The following MARK4 variants were observed in gnomAD, a reference collection of about 807,000 sequenced individuals.
MARK4 encodes microtubule affinity regulating kinase 4.
A neutral mutation model predicts 81.5 loss-of-function variants in MARK4; 19 were observed. The ratio of observed to expected loss-of-function variants is 0.23; its 90% CI spans 0.16 to 0.34. The LOEUF (loss-of-function observed/expected upper bound fraction) is 0.34, where lower values mean the gene tolerates loss of function less well. Ranked by LOEUF, MARK4 falls within the 10% of genes least tolerant of loss-of-function variation. MARK4 has a pLI of 1.00. For synonymous variants in MARK4, 436 were observed against 439.0 expected (o/e 0.99, Z 0.08); for missense variants, 772 against 1,058.8 (o/e 0.73, Z 3.76).
chr19:45,258,382 C>G (rs1970336700), intron 1 of MARK4, among the ~76,000 whole-genome samples: 1 of 152,086 alleles, frequency 6.6e-6, no homozygotes, highest in African/African-American at 2.4e-5. Context: ...TGGAACCAAA[C>G]TTGCGATATC....
rs139307383 is a variant in MARK4 at position 45,271,510 on chromosome 19, G to A, written c.588G>A (p.Lys196=). The change falls in exon 8 of 17, where the codon AAG becomes AAA. Residue 196 remains lysine (K), a synonymous_variant. Coordinates refer to ENST00000262891, the MANE Select transcript of MARK4 (RefSeq NM_001199867.2). This position sits in a 1 kb window ranked among gnomAD's most constrained non-coding sequence, Gnocchi z 4.1. ...TGCTGGATGCCGAGGCCAACATCAA[G>A]ATTGCTGACTTTGGCTTCAGCAACG... ...NLLLDAEANI[K]IADFGFSNEF... is the part of the protein sequence containing the mutation. The A allele has an allele frequency of 4.3e-6, 7 of 1,614,124 alleles. No individual in the cohort carries two copies. In the African/African-American group the frequency reaches 8.0e-5, roughly 18 times the overall value.
chr19:45,291,391 A>C (rs898040360), intron 13 of MARK4, among the ~76,000 whole-genome samples: 3 of 152,178 alleles, frequency 2.0e-5, no homozygotes, highest in Non-Finnish European at 4.4e-5. Flanking sequence ...TCATGCCTGT[A>C]AGCCCAACAG....
At position 45,302,578 on chromosome 19, in the gene MARK4, G is replaced by C. The variant is rs759691519; in HGVS notation, c.2127G>C (p.Leu709=). 9.5e-6 allele frequency: 15 copies of C among 1,577,496 alleles called. No individual in the cohort carries two copies. In the Admixed American group the frequency reaches 2.5e-4, roughly 26 times the overall value. The change falls in exon 17 of 17, where the codon CTG becomes CTC. Residue 709 remains leucine (L), a synonymous_variant. Coordinates refer to ENST00000262891, the MANE Select transcript of MARK4 (RefSeq NM_001199867.2). The surrounding 1 kb of genome is among the most constrained non-coding windows in gnomAD (Gnocchi z 4.9). Reference sequence around the variant, plus strand: ...GGGGTGCGGGCGGGCCCGAGCCCCTGTCCCACTTCGAAGTGGAGGTCTGCC... The same window carrying C: ...GGGGTGCGGGCGGGCCCGAGCCCCTCTCCCACTTCGAAGTGGAGGTCTGCC... ...LHGGAGGPEP[L]SHFEVEVCQL...
chr19:45,264,667 G>T lies in MARK4; in HGVS notation c.356-17G>T. On this transcript the variant is annotated splice_polypyrimidine_tract_variant and intron_variant, in intron 4 of 16. Coordinates refer to ENST00000262891, the MANE Select transcript of MARK4 (RefSeq NM_001199867.2). The stretch of plus-strand genomic sequence containing the variant: ...CCCTTTCTCCCTAATGCCCTACACT[G>T]TTCCCAACCATTATAGTGAAGCTCT... The T allele has an allele frequency of 3.1e-6, 5 of 1,613,874 alleles. No homozygotes were observed. The highest frequency in any genetic ancestry group is 2.2e-5 in the South Asian group (2 of 91,064).
intron 10 of MARK4, among the ~76,000 whole-genome samples, chr19:45,279,864 G>A (rs1970649068): frequency 6.6e-6 from 1 of 152,190 alleles, no homozygotes; most frequent in African/African-American, 2.4e-5. Flanking sequence ...AGCAGTCAGT[G>A]TGGCTTTGGG....
intron 8 of MARK4, among the ~76,000 whole-genome samples, chr19:45,272,970 G>A (rs550563563): frequency 1.8e-4 from 28 of 152,208 alleles, no homozygotes; most frequent in Middle Eastern, 3.4e-3. Flanking sequence ...TGTGCACTTC[G>A]CTTCAAACAA....
intron 13 of MARK4, 57 bp downstream of exon 13, chr19:45,287,721 A>G: frequency 6.5e-7 from 1 of 1,548,588 alleles, no homozygotes; most frequent in Non-Finnish European, 8.8e-7. Context: ...CACATTCCTC[A>G]GGCCCTGCCT....
Position 45,264,844 on chromosome 19 carries a change from A to G in MARK4, c.426A>G (p.Glu142=). 6.2e-7 allele frequency: 1 copy of G among 1,614,068 alleles called. No individual in the cohort carries two copies. Among genetic ancestry groups the G allele is most frequent in the Non-Finnish European group, 8.5e-7 (1 of 1,179,980 alleles). Reference sequence around the variant, plus strand: ...CGCTCGGCCTCTGCCCTGCAGGAGAAGTGTTTGACTACCTCGTGTCGCATG... The same window carrying G: ...CGCTCGGCCTCTGCCCTGCAGGAGAGGTGTTTGACTACCTCGTGTCGCATG... The part of the protein sequence containing the change: ...YLVMEYASAG[E]VFDYLVSHGR... Residue 142 remains glutamate, a synonymous_variant, in exon 6 of 17, where the codon GAA becomes GAG. Coordinates refer to ENST00000262891, the MANE Select transcript of MARK4 (RefSeq NM_001199867.2).
At chr19:45,252,597 C>T (rs897560046) in intron 1 of MARK4, among the ~76,000 whole-genome samples, 3 of 151,862 alleles carry the variant, frequency 2.0e-5, no homozygotes, top group Non-Finnish European at 4.4e-5. Flanking sequence ...GGGAGTCTGG[C>T]CTTCCAAGGA....
intron 7 of MARK4, among the ~76,000 whole-genome samples, chr19:45,267,017 C>G (rs1324266511): frequency 1.3e-5 from 2 of 152,058 alleles, no homozygotes; most frequent in Non-Finnish European, 1.5e-5. Context: ...CAGGCATGAG[C>G]CACGGCACCT....
intron 1 of MARK4, 110 bp downstream of exon 1, chr19:45,251,749 A>G (rs1157552487): frequency 4.8e-6 from 5 of 1,046,426 alleles, no homozygotes; most frequent in Non-Finnish European, 6.8e-6. Context: ...CCTGGGCCCG[A>G]CCCGGCTCGT....
intron 16 of MARK4, among the ~76,000 whole-genome samples, chr19:45,300,915 CACCCAAG>C (rs981677342): frequency 1.3e-5 from 2 of 152,194 alleles, no homozygotes; most frequent in African/African-American, 4.8e-5. Context: ...GAGTCGTGCT[CACCCAAG>C]CTGAGGGGCG....
At chr19:45,262,066 G>A (rs1030921972) in intron 2 of MARK4, among the ~76,000 whole-genome samples, 20 of 152,124 alleles carry the variant, frequency 1.3e-4, no homozygotes, top group Admixed American at 3.9e-4. Flanking sequence ...GGCTGCATAA[G>A]TTCAAATCTG....
rs746380520 is a variant in MARK4 at position 45,280,625 on chromosome 19, G to A, written c.1167G>A (p.Ala389=). Residue 389 remains alanine (A), a synonymous_variant, in exon 12 of 17, where the codon GCG becomes GCA. Coordinates refer to ENST00000262891, the MANE Select transcript of MARK4 (RefSeq NM_001199867.2). ...APGLALARVR[A]PSDTTNGTSS... ...GGCTGGCCCTGGCACGGGTGCGGGC[G>A]CCCAGCGACACCACCAACGGAACAA... The A allele has an allele frequency of 1.8e-5, 29 of 1,612,684 alleles. No individual in the cohort carries two copies. The highest frequency in any genetic ancestry group is 1.7e-4 in the Middle Eastern group (1 of 6,052).
At chr19:45,251,758 G>C (rs1970244771) in intron 1 of MARK4, 119 bp downstream of exon 1, 2 of 917,748 alleles carry the variant, frequency 2.2e-6, no homozygotes, top group Non-Finnish European at 3.2e-6. Context: ...GACCCGGCTC[G>C]TCACCTCTCG....
At position 45,304,802 on chromosome 19, in the gene MARK4, G is replaced by A. The variant is rs998218405; in HGVS notation, c.*2092G>A. ...GAGCCAGCTAGACATGGATAGGAGT[G>A]CGTTTTAGGCACAGCAAATGGCACA... On this transcript the variant is annotated 3_prime_UTR_variant, in exon 17 of 17. Transcript: ENST00000262891. 3 of 152,650 alleles carry A rather than the reference G, an allele frequency of 2.0e-5. No individual in the cohort carries two copies. Among genetic ancestry groups the A allele is most frequent in the Non-Finnish European group, 2.9e-5 (2 of 68,414 alleles). The allele number at this position is 152,650 out of a possible 1,614,324, so 9.5% of individuals were successfully genotyped here. A position where few individuals can be genotyped will look rare whatever the true frequency, so the allele number is the denominator to read the frequency against.
intron 16 of MARK4, among the ~76,000 whole-genome samples, chr19:45,301,160 G>GT (rs1188311808): frequency 6.6e-6 from 1 of 152,190 alleles, no homozygotes; most frequent in Non-Finnish European, 1.5e-5. Context: ...GCTTATGCCT[G>GT]TAATTCCAAC....
intron 6 of MARK4, among the ~76,000 whole-genome samples, chr19:45,265,581 G>A (rs1247947694): frequency 6.6e-6 from 1 of 151,322 alleles, no homozygotes; most frequent in Non-Finnish European, 1.5e-5. Context: ...CAGGTATAAG[G>A]GTGCCCAGGT....
intron 8 of MARK4, among the ~76,000 whole-genome samples, chr19:45,274,267 A>T (rs781550821): frequency 2.0e-5 from 3 of 151,878 alleles, no homozygotes; most frequent in Non-Finnish European, 4.4e-5. Flanking sequence ...CAAACAAAAA[A>T]GATGATACCA....
Sources: allele counts gnomAD v4.1 joint callset (sites outside exome capture counted in the v4.1 genomes callset), GRCh38; gene constraint gnomAD v4.1.1; non-coding constraint Gnocchi (gnomAD v3.1); transcripts MANE v1.5; gene names NCBI Gene and HGNC (gene_info 2026-07-23, HGNC 2026-07-21).